PRR16: variants seen among roughly 807,000 people sequenced by gnomAD.
PRR16 encodes protein Largen.
Under a neutral mutation model 18.2 loss-of-function variants are expected in PRR16, and 6 were observed. That is an observed-to-expected ratio of 0.33 (90% CI 0.18 to 0.65). The LOEUF is 0.65. PRR16 is among the 30% of genes least tolerant of loss of function. The pLI is 0.74. For missense variants in PRR16, 412 were observed against 376.6 expected, an observed-to-expected ratio of 1.09 and a Z score of -0.78; for synonymous variants, 151 against 147.8, an observed-to-expected ratio of 1.02 and a Z score of -0.16.
chr5:120,569,987 G>A (rs1317659064), intron 1 of PRR16, among the ~76,000 whole-genome samples: 1 of 152,064 alleles, frequency 6.6e-6, no homozygotes, highest in African/African-American at 2.4e-5. Context: ...TTTAGATTTG[G>A]CTTATTTGGA....
the PRR16 span, among the ~76,000 whole-genome samples, chr5:120,784,036 A>G: frequency 6.6e-6 from 1 of 152,124 alleles, no homozygotes; most frequent in Non-Finnish European, 1.5e-5. Flanking sequence ...ATTACAAAGG[A>G]TATCTTTCTA....
intron 1 of PRR16, among the ~76,000 whole-genome samples, chr5:120,545,317 A>G (rs1328264769): frequency 6.6e-6 from 1 of 152,106 alleles, no homozygotes; most frequent in Non-Finnish European, 1.5e-5. Context: ...GATTCTGTCC[A>G]TTTGATTTAT....
intron 1 of PRR16, among the ~76,000 whole-genome samples, chr5:120,503,764 T>C (rs1750546945): frequency 6.6e-6 from 1 of 150,794 alleles, no homozygotes; most frequent in South Asian, 2.1e-4. Flanking sequence ...GCATTAGGTA[T>C]ATCTCCTAAT....
intron 1 of PRR16, among the ~76,000 whole-genome samples, chr5:120,640,835 A>G (rs1294199950): frequency 6.6e-6 from 1 of 152,188 alleles, no homozygotes; most frequent in East Asian, 1.9e-4. Flanking sequence ...ACTATTAGGC[A>G]TTAACTCTTT....
chr5:120,731,369 A>C, the PRR16 span, among the ~76,000 whole-genome samples: 5 of 152,144 alleles, frequency 3.3e-5, no homozygotes, highest in Non-Finnish European at 7.4e-5. Context: ...ATTCCAATAA[A>C]ATTTGGGGAT....
At chr5:120,603,974 G>T (rs552784838) in intron 1 of PRR16, among the ~76,000 whole-genome samples, 12 of 151,858 alleles carry the variant, frequency 7.9e-5, no homozygotes, top group Non-Finnish European at 1.3e-4. Context: ...GTGGCTGAGT[G>T]TGTGGTCAAT....
chr5:120,549,526 C>T (rs1367337908), intron 1 of PRR16, among the ~76,000 whole-genome samples: 2 of 151,928 alleles, frequency 1.3e-5, no homozygotes, highest in East Asian at 1.9e-4. Flanking sequence ...TTGTAAGACC[C>T]TTCTTTATCT....
chr5:120,755,401 C>G, the PRR16 span, among the ~76,000 whole-genome samples: 1 of 152,104 alleles, frequency 6.6e-6, no homozygotes, highest in Non-Finnish European at 1.5e-5. Flanking sequence ...TTCCTCCCAT[C>G]AGTCTCCAGA....
chr5:120,775,084 A>G, the PRR16 span, among the ~76,000 whole-genome samples: 377 of 152,264 alleles, frequency 2.5e-3, 2 homozygotes, highest in Non-Finnish European at 3.2e-3. Context: ...AAGATTCCCA[A>G]TTGAATCCTT....
At chr5:120,486,877 T>G (rs1161071722) in intron 1 of PRR16, among the ~76,000 whole-genome samples, 1 of 152,240 alleles carries the variant, frequency 6.6e-6, no homozygotes, top group Non-Finnish European at 1.5e-5. Context: ...CTAGCCAGTT[T>G]TCCCAGCACC....
At chr5:120,765,115 C>T in the PRR16 span, among the ~76,000 whole-genome samples, 2 of 120,952 alleles carry the variant, frequency 1.7e-5, no homozygotes, top group African/African-American at 8.0e-5. Flanking sequence ...CTTATAACAC[C>T]ATAAAAGAGA....
chr5:120,584,341 C>A (rs756508784), intron 1 of PRR16, among the ~76,000 whole-genome samples: 16 of 152,122 alleles, frequency 1.1e-4, no homozygotes, highest in Admixed American at 3.9e-4. Flanking sequence ...AAATTATAAG[C>A]CTTATGAGTT....
chr5:120,669,932 G>A (rs1262551881), intron 1 of PRR16, among the ~76,000 whole-genome samples: 1 of 151,792 alleles, frequency 6.6e-6, no homozygotes, highest in Non-Finnish European at 1.5e-5. Flanking sequence ...GATAAACAAC[G>A]GCGTTTATAT....
the PRR16 span, among the ~76,000 whole-genome samples, chr5:120,716,359 G>A: frequency 6.6e-6 from 1 of 152,036 alleles, no homozygotes; most frequent in African/African-American, 2.4e-5. Flanking sequence ...ATTTTGCCAA[G>A]GAAACATACA....
chr5:120,686,368 G>C lies in PRR16; in HGVS notation c.574G>C (p.Glu192Gln). 1 of 1,614,138 alleles carries C rather than the reference G, an allele frequency of 6.2e-7. No individual in the cohort carries two copies. Among genetic ancestry groups the C allele is most frequent in the Non-Finnish European group, 8.5e-7 (1 of 1,180,016 alleles). The change falls in exon 2 of 2, where the codon GAA (glutamate) becomes CAA (glutamine). Residue 192 changes from glutamate to glutamine, a missense_variant. Glu to Gln is a conservative substitution (Grantham distance 29). Transcript: ENST00000407149. ...AGTCCAGCTTCTGATGCATAGACCT[G>C]AAAAAGACAGATGTCCCCAGGCAGG... ...APVQLLMHRP[E>Q]KDRCPQAGPR...
intron 1 of PRR16, among the ~76,000 whole-genome samples, chr5:120,668,052 G>C (rs1484131806): frequency 1.3e-5 from 2 of 152,044 alleles, no homozygotes; most frequent in East Asian, 1.9e-4. Flanking sequence ...TTGACAGTGG[G>C]ATGTTAAAGT....
the PRR16 span, among the ~76,000 whole-genome samples, chr5:120,699,468 C>A: frequency 6.6e-6 from 1 of 151,816 alleles, no homozygotes; most frequent in Admixed American, 6.6e-5. Flanking sequence ...TGTGGGAGGC[C>A]GGATTCAAGT....
rs148069123 is a variant in PRR16, at chr5:120,581,296, G to A, written c.160-104658G>A. Among the ~76,000 whole-genome samples the A allele has an allele frequency of 3.6e-3, 543 of 152,056 alleles. 3 individuals are homozygous for A. The highest frequency in any genetic ancestry group is 3.4e-3 in the Middle Eastern group (1 of 294). On this transcript the variant is annotated intron_variant, in intron 1 of 1. Transcript: ENST00000407149. ...TTTATCCATTTCTTCTAGATTTTCCGGTTTATTTGCATAGATGTGTTTAGT... is the reference window on the plus strand; with the variant it reads ...TTTATCCATTTCTTCTAGATTTTCCAGTTTATTTGCATAGATGTGTTTAGT...
intron 1 of PRR16, among the ~76,000 whole-genome samples, chr5:120,633,383 T>C (rs1424667618): frequency 6.6e-6 from 1 of 152,126 alleles, no homozygotes. Context: ...ATACTAAAGT[T>C]GAATGTAAAT....
Sources: allele counts gnomAD v4.1 joint callset (sites outside exome capture counted in the v4.1 genomes callset), GRCh38; gene constraint gnomAD v4.1.1; transcripts MANE v1.5; gene names NCBI Gene and HGNC (gene_info 2026-07-23, HGNC 2026-07-21).